RAPGEF4: variants seen among roughly 807,000 people sequenced by gnomAD.
RAPGEF4 encodes the protein RAP guanine-nucleotide-exchange factor (GEF) 4.
A neutral mutation model predicts 147.9 loss-of-function variants in RAPGEF4; 66 were observed. That is an observed-to-expected ratio of 0.45 (90% CI 0.37 to 0.55). RAPGEF4 has a LOEUF of 0.55. RAPGEF4 is among the 20% of genes least tolerant of loss of function. The pLI, the probability that RAPGEF4 is intolerant of heterozygous loss-of-function variation, is 0.00. For synonymous variants in RAPGEF4, 419 were observed against 442.7 expected, an observed-to-expected ratio of 0.95 and a Z score of 0.67; for missense variants, 1,071 against 1,257.3, an observed-to-expected ratio of 0.85 and a Z score of 2.24.
intron 4 of RAPGEF4, among the ~76,000 whole-genome samples, chr2:172,846,402 G>A (rs142236990): frequency 8.8e-4 from 134 of 152,310 alleles, no homozygotes; most frequent in African/African-American, 3.2e-3. Flanking sequence ...ATCCATGATG[G>A]AGCATGTGTC....
intron 4 of RAPGEF4, among the ~76,000 whole-genome samples, chr2:172,819,123 G>T (rs1688798616): frequency 6.6e-6 from 1 of 151,974 alleles, no homozygotes; most frequent in Non-Finnish European, 1.5e-5. Flanking sequence ...TAATGAAAAT[G>T]ACCTGGTTTC....
chr2:172,801,520 C>A (rs368715174), intron 3 of RAPGEF4, among the ~76,000 whole-genome samples: 2 of 152,064 alleles, frequency 1.3e-5, no homozygotes, highest in Non-Finnish European at 2.9e-5. Context: ...TGGCAATGGG[C>A]GCCTATGACA....
At chr2:172,894,267 C>A (rs959795620) in intron 4 of RAPGEF4, 1 of 152,234 alleles carries the variant, frequency 6.6e-6, no homozygotes, top group African/African-American at 2.4e-5. Context: ...CTATTCAGAT[C>A]TCTGCTTAGG....
At chr2:172,885,779 G>C (rs1697142068) in intron 4 of RAPGEF4, among the ~76,000 whole-genome samples, 1 of 152,144 alleles carries the variant, frequency 6.6e-6, no homozygotes, top group African/African-American at 2.4e-5. Flanking sequence ...GATTTAGGTG[G>C]GGACACAGAG....
rs370741627 is a variant in RAPGEF4, at chr2:172,852,371, G to T, written c.444+37946G>T. On this transcript the variant is annotated intron_variant, in intron 4 of 30. Coordinates refer to ENST00000397081, the MANE Select transcript of RAPGEF4 (RefSeq NM_007023.4). ...TGATGAATTGTCAATAAGTTGATCC[G>T]AAACGTAACCCTTCTCAGATTTTAT... 1.7e-4 allele frequency among the ~76,000 whole-genome samples: 26 copies of T among 152,208 alleles called. 1 individual carries two copies. The East Asian group carries it at 3.9e-3, about 23-fold the overall frequency.
chr2:172,990,713 C>A, intron 14 of RAPGEF4, 97 bp from the exon 15 acceptor site: 1 of 797,510 alleles, frequency 1.3e-6, no homozygotes, highest in South Asian at 1.7e-5. Flanking sequence ...CAACAATTAG[C>A]ATGACAAGCA....
intron 10 of RAPGEF4, among the ~76,000 whole-genome samples, chr2:172,968,208 C>T (rs545369458): frequency 3.7e-4 from 56 of 152,320 alleles, no homozygotes; most frequent in Non-Finnish European, 6.3e-4. Context: ...CCCTTGCATC[C>T]GAAACCACCA....
At chr2:173,022,051 A>G (rs1696152474) in intron 23 of RAPGEF4, among the ~76,000 whole-genome samples, 1 of 152,124 alleles carries the variant, frequency 6.6e-6, no homozygotes, top group African/African-American at 2.4e-5. Context: ...TTGGGGAAAA[A>G]AATGTCATAA....
chr2:173,003,332 G>A (rs1694135105), intron 17 of RAPGEF4, among the ~76,000 whole-genome samples: 1 of 152,174 alleles, frequency 6.6e-6, no homozygotes, highest in Non-Finnish European at 1.5e-5. Context: ...AAACAGGCGT[G>A]GAAGAGCTGT....
intron 12 of RAPGEF4, among the ~76,000 whole-genome samples, chr2:172,985,855 T>A (rs1692194513): frequency 6.6e-6 from 1 of 152,236 alleles, no homozygotes; most frequent in Non-Finnish European, 1.5e-5. Flanking sequence ...TTCATAGCTT[T>A]AGAAGAACTA....
chr2:173,014,894 A>G (rs550901814), intron 18 of RAPGEF4, among the ~76,000 whole-genome samples: 3 of 152,270 alleles, frequency 2.0e-5, no homozygotes, highest in African/African-American at 4.8e-5. Flanking sequence ...ATCATTCTGC[A>G]GGCTGCTTTT....
intron 4 of RAPGEF4, chr2:172,917,325 G>A (rs1388460136): frequency 1.2e-5 from 5 of 402,190 alleles, no homozygotes; most frequent in Non-Finnish European, 2.0e-5. Context: ...AAATGGAAGC[G>A]AATCAGCTTC....
chr2:172,988,808 T>C lies in RAPGEF4; in HGVS notation c.1343T>C (p.Val448Ala), dbSNP rs750128266. ...GAAGATAACTGCCATTTCTTAAGAG[T>C]AGACAAGGAGGATTTCAACCGGATC... ...LREDNCHFLR[V>A]DKEDFNRILR... Residue 448 changes from valine (V) to alanine (A), a missense_variant, in exon 14 of 31, where the codon GTA becomes GCA. By Grantham distance (64) the Val-to-Ala change is moderately conservative (BLOSUM62 0). Transcript: ENST00000397081. 3 of 1,613,800 alleles carry C rather than the reference T, an allele frequency of 1.9e-6. No homozygotes were observed. The highest frequency in any genetic ancestry group is 1.7e-6 in the Non-Finnish European group (2 of 1,179,878).
At chr2:172,992,595 A>G (rs898466340) in intron 15 of RAPGEF4, among the ~76,000 whole-genome samples, 4 of 152,216 alleles carry the variant, frequency 2.6e-5, no homozygotes, top group Non-Finnish European at 5.9e-5. Context: ...GCCTGTTACA[A>G]TGGCTTTCAT....
chr2:172,983,684 T>C, intron 11 of RAPGEF4, 104 bp downstream of exon 11: 2 of 1,490,236 alleles, frequency 1.3e-6, no homozygotes, highest in Non-Finnish European at 1.8e-6. Flanking sequence ...AATGTCTGAT[T>C]TTCACCTCAT....
intron 2 of RAPGEF4, among the ~76,000 whole-genome samples, chr2:172,796,225 A>T (rs1213244151): frequency 6.6e-6 from 1 of 152,202 alleles, no homozygotes; most frequent in African/African-American, 2.4e-5. Flanking sequence ...CAACAGGGTG[A>T]GTCACAACGT....
intron 4 of RAPGEF4, among the ~76,000 whole-genome samples, chr2:172,852,119 A>G (rs1301054358): frequency 6.6e-6 from 1 of 152,220 alleles, no homozygotes; most frequent in Non-Finnish European, 1.5e-5. Context: ...CTGTATAGAC[A>G]TATTAGATCA....
intron 1 of RAPGEF4, among the ~76,000 whole-genome samples, chr2:172,775,757 C>G (rs1382588199): frequency 6.6e-6 from 1 of 152,108 alleles, no homozygotes; most frequent in Non-Finnish European, 1.5e-5. Flanking sequence ...GATATTTTTT[C>G]TACTAGCTAC....
At chr2:172,998,597 T>C (rs551740946) in intron 16 of RAPGEF4, among the ~76,000 whole-genome samples, 2 of 152,214 alleles carry the variant, frequency 1.3e-5, no homozygotes, top group East Asian at 3.9e-4. Context: ...GGGAAGTGGT[T>C]GAAGATGTCT....
Sources: allele counts gnomAD v4.1 joint callset (sites outside exome capture counted in the v4.1 genomes callset), GRCh38; gene constraint gnomAD v4.1.1; transcripts MANE v1.5; gene names NCBI Gene and HGNC (gene_info 2026-07-23, HGNC 2026-07-21).